Variants in MSANTD2 observed in about 807,000 individuals in gnomAD.
MSANTD2 encodes myb/SANT-like DNA-binding domain-containing protein 2.
In MSANTD2, 19 loss-of-function variants were observed where a neutral mutation model predicts 52.6. The observed-to-expected ratio is 0.36, with a 90% CI of 0.25 to 0.53. The LOEUF (loss-of-function observed/expected upper bound fraction) is 0.53, where lower values mean the gene tolerates loss of function less well. Ranked by LOEUF, MSANTD2 falls within the 20% of genes least tolerant of loss-of-function variation. MSANTD2 has a pLI of 0.91. For missense variants in MSANTD2, 558 were observed against 716.3 expected, an observed-to-expected ratio of 0.78 and a Z score of 2.52; for synonymous variants, 291 against 289.7, an observed-to-expected ratio of 1.00 and a Z score of -0.04.
Position 124,768,815 on chromosome 11 carries a change from CA to C in MSANTD2, c.828-788del, listed in dbSNP as rs577386094. ...GGAAGCAAAAATATAGGAATTATTT[CA>C]ATTTTGACTCATATACTTAACAGAA... is the stretch of plus-strand genomic sequence containing the variant. On this transcript the variant is annotated intron_variant, in intron 3 of 3. Coordinates refer to ENST00000374979, the MANE Select transcript of MSANTD2 (RefSeq NM_001308027.2). Among the ~76,000 whole-genome samples, 36 of 152,236 alleles carry C rather than the reference CA, an allele frequency of 2.4e-4. No individual in the cohort carries two copies. In the East Asian group the frequency reaches 6.6e-3, roughly 28 times the overall value.
At chr11:124,791,713 G>T (rs1724983510) in intron 1 of MSANTD2, 1 of 949,598 alleles carries the variant, frequency 1.1e-6, no homozygotes, top group South Asian at 1.4e-5. Context: ...GGGGAAAGAT[G>T]AGAGGTACCA....
In MSANTD2 at chr11:124,800,399, T is replaced by C; in HGVS notation, c.-19A>G. Reference sequence around the variant, plus strand: ...CAGCCATCTTCCAAGCGGCCGCCGCTGCACCGCCCGGAAGTGACGCGCCCG... The same window carrying C: ...CAGCCATCTTCCAAGCGGCCGCCGCCGCACCGCCCGGAAGTGACGCGCCCG... On this transcript the variant is annotated 5_prime_UTR_variant, in exon 1 of 4. Transcript: ENST00000374979. This position sits in a 1 kb window ranked among gnomAD's most constrained non-coding sequence, Gnocchi z 4.3. 2.0e-6 allele frequency: 3 copies of C among 1,480,948 alleles called. No homozygotes were observed. The highest frequency in any genetic ancestry group is 2.7e-6 in the Non-Finnish European group (3 of 1,113,714). The allele number at this position is 1,480,948 out of a possible 1,614,324, so 91.7% of individuals were successfully genotyped here. A position where few individuals can be genotyped will look rare whatever the true frequency, so the allele number is the denominator to read the frequency against.
intron 1 of MSANTD2, among the ~76,000 whole-genome samples, chr11:124,789,072 C>T (rs643227): frequency 0.25 from 38,615 of 151,984 alleles, 5,016 homozygotes; most frequent in South Asian, 0.35. Flanking sequence ...TGCAATACAT[C>T]TTTGATGAAT....
chr11:124,767,127 G>A lies in MSANTD2; in HGVS notation c.*49C>T, dbSNP rs1565446120. 1 of 1,532,244 alleles carries A rather than the reference G, an allele frequency of 6.5e-7. No individual in the cohort carries two copies. Among genetic ancestry groups the A allele is most frequent in the East Asian group, 2.3e-5 (1 of 44,428 alleles). The allele number at this position is 1,532,244 out of a possible 1,614,324, so 94.9% of individuals were successfully genotyped here. On this transcript the variant is annotated 3_prime_UTR_variant, in exon 4 of 4. Coordinates refer to ENST00000374979, the MANE Select transcript of MSANTD2 (RefSeq NM_001308027.2). The surrounding 1 kb of genome is among the most constrained non-coding windows in gnomAD (Gnocchi z 6.5). Reference sequence around the variant, plus strand: ...AGGGGTGGTCCGGGTAATGGGAAGTGAGTAGAGAAGAAGGAGCTAAGAGCC... The same window carrying A: ...AGGGGTGGTCCGGGTAATGGGAAGTAAGTAGAGAAGAAGGAGCTAAGAGCC...
chr11:124,800,189 C>T lies in MSANTD2; in HGVS notation c.192G>A (p.Gly64=), dbSNP rs1209251438. 5 of 1,470,510 alleles carry T rather than the reference C, an allele frequency of 3.4e-6. No homozygotes were observed. The highest frequency in any genetic ancestry group is 2.5e-5 in the Admixed American group (1 of 39,334). 91.1% of individuals were successfully genotyped at this position (1,470,510 alleles called of 1,614,324 possible). The part of the protein sequence containing the change: ...SAAGSGAAAS[G]GLGLGLGGRS... ...GGCCCCCCAGCCCCAGCCCGAGACC[C>T]CCGGACGCCGCTGCCCCCGAGCCCG... is the stretch of plus-strand genomic sequence containing the variant. Residue 64 remains glycine, a synonymous_variant, in exon 1 of 4, where the codon GGG becomes GGA. Coordinates refer to ENST00000374979, the MANE Select transcript of MSANTD2 (RefSeq NM_001308027.2). This position sits in a 1 kb window ranked among gnomAD's most constrained non-coding sequence, Gnocchi z 4.3.
intron 1 of MSANTD2, 80 bp from the exon 2 acceptor site, chr11:124,775,054 TAGAC>T (rs2135239187): frequency 1.1e-5 from 14 of 1,313,394 alleles, no homozygotes; most frequent in South Asian, 4.4e-5. Flanking sequence ...TAATTACTAT[TAGAC>T]AGACACAGAC....
chr11:124,785,752 A>G (rs1565462489), intron 1 of MSANTD2, among the ~76,000 whole-genome samples: 1 of 151,842 alleles, frequency 6.6e-6, no homozygotes, highest in Non-Finnish European at 1.5e-5. Flanking sequence ...TTATATATAT[A>G]TTAAGATATA....
chr11:124,793,381 G>A (rs562854901), intron 1 of MSANTD2, among the ~76,000 whole-genome samples: 16 of 152,078 alleles, frequency 1.1e-4, no homozygotes, highest in Admixed American at 4.6e-4. Flanking sequence ...TGCTAACCTC[G>A]TATAAATTTC....
At chr11:124,772,363 G>A (rs961867213) in intron 3 of MSANTD2, among the ~76,000 whole-genome samples, 1 of 152,134 alleles carries the variant, frequency 6.6e-6, no homozygotes, top group African/African-American at 2.4e-5. Context: ...CTGTTTTCCT[G>A]TAACACATTT....
At chr11:124,784,902 T>C (rs576901521) in intron 1 of MSANTD2, among the ~76,000 whole-genome samples, 1 of 152,274 alleles carries the variant, frequency 6.6e-6, no homozygotes, top group South Asian at 2.1e-4. Context: ...AAAAAATATA[T>C]ATTTTTTGCA....
chr11:124,773,243 G>A (rs982942296), intron 2 of MSANTD2, 189 bp from the exon 3 acceptor site: 4 of 437,272 alleles, frequency 9.1e-6, no homozygotes, highest in Admixed American at 4.2e-5. Flanking sequence ...ACATTTATAT[G>A]TAACATCAGA....
chr11:124,784,539 T>G, intron 1 of MSANTD2: 1 of 985,184 alleles, frequency 1.0e-6, no homozygotes, highest in Non-Finnish European at 1.2e-6. Context: ...AACATCGTAT[T>G]GCTTCCCAAA....
At chr11:124,796,047 A>G (rs1945481826) in intron 1 of MSANTD2, among the ~76,000 whole-genome samples, 1 of 152,200 alleles carries the variant, frequency 6.6e-6, no homozygotes, top group South Asian at 2.1e-4. Flanking sequence ...CAATAAACAA[A>G]TTTTCATATC....
At chr11:124,783,139 C>G (rs1945040130) in intron 1 of MSANTD2, among the ~76,000 whole-genome samples, 2 of 152,140 alleles carry the variant, frequency 1.3e-5, no homozygotes, top group African/African-American at 4.8e-5. Context: ...TCGGGTCAAA[C>G]AGAATGACCA....
chr11:124,798,234 TAAAAAA>T (rs10601418), intron 1 of MSANTD2, among the ~76,000 whole-genome samples: 2 of 110,530 alleles, frequency 1.8e-5, no homozygotes, highest in African/African-American at 8.1e-5. Flanking sequence ...CCCTGTCTCT[TAAAAAA>T]AAAAAAAAAA....
intron 1 of MSANTD2, among the ~76,000 whole-genome samples, chr11:124,785,064 G>A (rs1222435705): frequency 6.6e-6 from 1 of 152,172 alleles, no homozygotes; most frequent in Non-Finnish European, 1.5e-5. Context: ...GAAGTTGTTA[G>A]AAATAAATTC....
chr11:124,793,723 A>G (rs1312208393), intron 1 of MSANTD2, among the ~76,000 whole-genome samples: 2 of 152,148 alleles, frequency 1.3e-5, no homozygotes, highest in Non-Finnish European at 2.9e-5. Context: ...AACCTAGAAT[A>G]TGCACTGTTT....
In MSANTD2 at chr11:124,779,133, G is replaced by C. The variant is rs1471538367; in HGVS notation, c.511-4159C>G. The C allele has an allele frequency of 6.6e-6, 1 of 152,170 alleles. No individual in the cohort carries two copies. The highest frequency in any genetic ancestry group is 1.5e-5 in the Non-Finnish European group (1 of 68,046). 9.4% of individuals were successfully genotyped at this position (152,170 alleles called of 1,614,324 possible). A position where few individuals can be genotyped will look rare whatever the true frequency, so the allele number is the denominator to read the frequency against. On this transcript the variant is annotated intron_variant, in intron 1 of 3. Coordinates refer to ENST00000374979, the MANE Select transcript of MSANTD2 (RefSeq NM_001308027.2). The surrounding 1 kb of genome is among the most constrained non-coding windows in gnomAD (Gnocchi z 4.6). ...AGCACAGCATTCAGTTCTGGGCATCGAACCAGCTACAAGAGAGGGAAATTG... is the reference window on the plus strand; with the variant it reads ...AGCACAGCATTCAGTTCTGGGCATCCAACCAGCTACAAGAGAGGGAAATTG...
rs746636035 is a variant in MSANTD2, at chr11:124,800,207, C to G, written c.174G>C (p.Ser58=). The part of the protein sequence containing the change: ...SPLGPGSAAG[S]GAAASGGLGL... ...CGAGACCCCCGGACGCCGCTGCCCC[C>G]GAGCCCGCCGCACTGCCCGGCCCGA... Residue 58 remains serine, a synonymous_variant, in exon 1 of 4, where the codon TCG becomes TCC. Coordinates refer to ENST00000374979, the MANE Select transcript of MSANTD2 (RefSeq NM_001308027.2). The surrounding 1 kb of genome is among the most constrained non-coding windows in gnomAD (Gnocchi z 4.3). The G allele has an allele frequency of 1.3e-5, 19 of 1,480,820 alleles. No individual in the cohort carries two copies. The highest frequency in any genetic ancestry group is 1.6e-5 in the Non-Finnish European group (18 of 1,117,230). The allele number at this position is 1,480,820 out of a possible 1,614,324, so 91.7% of individuals were successfully genotyped here. A position where few individuals can be genotyped will look rare whatever the true frequency, so the allele number is the denominator to read the frequency against.
Sources: allele counts gnomAD v4.1 joint callset (sites outside exome capture counted in the v4.1 genomes callset), GRCh38; gene constraint gnomAD v4.1.1; non-coding constraint Gnocchi (gnomAD v3.1); transcripts MANE v1.5; gene names NCBI Gene and HGNC (gene_info 2026-07-23, HGNC 2026-07-21).